The following NOXA1 variants were observed in gnomAD, a reference collection of about 807,000 sequenced individuals.
The protein encoded by NOXA1 is NCF2-like protein.
A neutral mutation model predicts 64.8 loss-of-function variants in NOXA1; 56 were observed. That is an observed-to-expected ratio of 0.86 (90% CI 0.70 to 1.08). The LOEUF is 1.08. NOXA1 is among the 50% of genes least tolerant of loss of function. NOXA1 has a pLI of 0.00. For missense variants in NOXA1, 668 were observed against 658.5 expected (o/e 1.01, Z -0.16); for synonymous variants, 295 against 294.8 (o/e 1.00, Z -0.01).
Position 137,433,774 on chromosome 9 carries a change from G to A in NOXA1, c.1089G>A (p.Gly363=), listed in dbSNP as rs1839230286. 6.9e-7 allele frequency: 1 copy of A among 1,456,454 alleles called. No individual in the cohort carries two copies. The allele number at this position is 1,456,454 out of a possible 1,614,324, so 90.2% of individuals were successfully genotyped here. Residue 363 remains glycine, a synonymous_variant, in exon 12 of 14, where the codon GGG becomes GGA. Coordinates refer to ENST00000683555, the MANE Select transcript of NOXA1 (RefSeq NM_001256067.2). ...GTTACCTAGCCCCAGGTGAGGACGG[G>A]CACTGGGTCCCCATCCCCGAGGAGG... is the stretch of plus-strand genomic sequence containing the variant. ...QLSYLAPGED[G]HWVPIPEEES...
rs1467303944 is a variant in NOXA1, at chr9:137,431,175, G to A, written c.699-61G>A. Reference sequence around the variant, plus strand: ...AGAGGCCCTCCACATGGGGCCACGCGGGCCGGGCACAGGAGGGCAGTCAGA... The same window carrying A: ...AGAGGCCCTCCACATGGGGCCACGCAGGCCGGGCACAGGAGGGCAGTCAGA... On this transcript the variant is annotated intron_variant, in intron 7 of 13. Transcript: ENST00000683555. This position sits in a 1 kb window ranked among gnomAD's most constrained non-coding sequence, Gnocchi z 5.6. The A allele has an allele frequency of 6.2e-6, 10 of 1,610,596 alleles. No homozygotes were observed. The highest frequency in any genetic ancestry group is 2.7e-5 in the African/African-American group (2 of 74,904).
Position 137,430,936 on chromosome 9 carries a change from G to C in NOXA1, c.672+93G>C, listed in dbSNP as rs915578660. On this transcript the variant is annotated intron_variant, in intron 6 of 13. Coordinates refer to ENST00000683555, the MANE Select transcript of NOXA1 (RefSeq NM_001256067.2). ...AAGCTCTGAGCCCTCCTGGGGCTGCGAAGTTCCTCTGATGGGAGGTGTGGG... is the reference window on the plus strand; with the variant it reads ...AAGCTCTGAGCCCTCCTGGGGCTGCCAAGTTCCTCTGATGGGAGGTGTGGG... 2.6e-6 allele frequency: 4 copies of C among 1,555,230 alleles called. No homozygotes were observed. The Admixed American group carries it at 5.5e-5, about 21-fold the overall frequency.
In NOXA1 at chr9:137,423,682, C is replaced by T. The variant is rs1838679165; in HGVS notation, c.153C>T (p.Ala51=). ...ACGCGGGCTGCGTGCACCTGCTGGCCGGGGACCCCGAGGCCGCGCTGCGGG... is the reference window on the plus strand; with the variant it reads ...ACGCGGGCTGCGTGCACCTGCTGGCTGGGGACCCCGAGGCCGCGCTGCGGG... ...CFNAGCVHLL[A]GDPEAALRAF... Residue 51 remains alanine (A), a synonymous_variant, in exon 1 of 14, where the codon GCC becomes GCT. Transcript: ENST00000683555. 4 of 1,356,204 alleles carry T rather than the reference C, an allele frequency of 2.9e-6. No homozygotes were observed. The highest frequency in any genetic ancestry group is 2.8e-6 in the Non-Finnish European group (3 of 1,053,214). 84.0% of individuals were successfully genotyped at this position (1,356,204 alleles called of 1,614,324 possible). A position where few individuals can be genotyped will look rare whatever the true frequency, so the allele number is the denominator to read the frequency against.
chr9:137,432,173 G>C (rs1360259766), intron 8 of NOXA1, among the ~76,000 whole-genome samples: 1 of 151,936 alleles, frequency 6.6e-6, no homozygotes, highest in Non-Finnish European at 1.5e-5. Context: ...CCAGCACCGT[G>C]GGAGGCTGAG....
rs1839078705 is a variant in NOXA1 at position 137,430,832 on chromosome 9, C to T, written c.661C>T (p.Gln221Ter). Residue 221 changes from glutamine to a stop codon, truncating the protein, a stop_gained, in exon 6 of 14, where the codon CAG becomes TAG. Coordinates refer to ENST00000683555, the MANE Select transcript of NOXA1 (RefSeq NM_001256067.2). LOFTEE classifies it high-confidence loss of function. The part of the protein sequence containing the change: ...PDDQGWGVRP[Q>*]QPQGPGANHD... ...CGACCAGGGCTGGGGCGTCCGCCCT[C>T]AGCAGCCACAGGTGGGTTTGCGGCC... 2 of 1,587,688 alleles carry T rather than the reference C, an allele frequency of 1.3e-6. No homozygotes were observed. Among genetic ancestry groups the T allele is most frequent in the Non-Finnish European group, 1.7e-6 (2 of 1,170,486 alleles).
At chr9:137,426,752 A>G (rs574416334) in intron 2 of NOXA1, among the ~76,000 whole-genome samples, 6 of 152,342 alleles carry the variant, frequency 3.9e-5, no homozygotes, top group Non-Finnish European at 8.8e-5. Flanking sequence ...ATCCCAAAAA[A>G]TATAATTCTA....
chr9:137,427,976 C>G, intron 2 of NOXA1, 57 bp from the exon 3 acceptor site: 1 of 1,259,062 alleles, frequency 7.9e-7, no homozygotes, highest in South Asian at 1.3e-5. Context: ...GTGAAAGCTG[C>G]CTAACCACAG....
Position 137,431,728 on chromosome 9 carries a change from G to A in NOXA1, c.804+387G>A, listed in dbSNP as rs1483259992. 3.3e-5 allele frequency among the ~76,000 whole-genome samples: 5 copies of A among 152,066 alleles called. No individual in the cohort carries two copies. The highest frequency in any genetic ancestry group is 2.1e-4 in the South Asian group (1 of 4,828). The stretch of plus-strand genomic sequence containing the variant: ...GCTCTGGAGGGGCCCCAAGGCTCCC[G>A]CCCCCCATGGGGGCCCAGCAGCGAC... On this transcript the variant is annotated intron_variant, in intron 8 of 13. Coordinates refer to ENST00000683555, the MANE Select transcript of NOXA1 (RefSeq NM_001256067.2). This position sits in a 1 kb window ranked among gnomAD's most constrained non-coding sequence, Gnocchi z 5.6.
chr9:137,424,476 C>T (rs1294343149), intron 1 of NOXA1, among the ~76,000 whole-genome samples: 1 of 152,220 alleles, frequency 6.6e-6, no homozygotes, highest in African/African-American at 2.4e-5. Flanking sequence ...CGTTCTGTCA[C>T]CCAGGCTGAA....
At chr9:137,426,205 C>T (rs780171524) in intron 1 of NOXA1, 43 bp from the exon 2 acceptor site, 1 of 1,544,950 alleles carries the variant, frequency 6.5e-7, no homozygotes, top group African/African-American at 1.4e-5. Context: ...GCTGCGTGAC[C>T]AGGTTACAGA....
chr9:137,430,746 G>A (rs376222330), intron 5 of NOXA1, 38 bp from the exon 6 acceptor site: 822 of 1,568,208 alleles, frequency 5.2e-4, no homozygotes, highest in Non-Finnish European at 6.4e-4. Flanking sequence ...CTGCTGGGCC[G>A]CTGATCCCTG....
Position 137,423,610 on chromosome 9 carries a change from G to A in NOXA1, c.81G>A (p.Leu27=). Residue 27 remains leucine (L), a synonymous_variant, in exon 1 of 14, where the codon TTG becomes TTA. Coordinates refer to ENST00000683555, the MANE Select transcript of NOXA1 (RefSeq NM_001256067.2). ...AVDRGDWARA[L]HLFSGVPAPP... ...ATCGTGGGGACTGGGCCCGCGCCTT[G>A]CACCTCTTCTCGGGCGTCCCGGCGC... 6.8e-7 allele frequency: 1 copy of A among 1,473,238 alleles called. No homozygotes were observed. The highest frequency in any genetic ancestry group is 9.0e-7 in the Non-Finnish European group (1 of 1,113,034). The allele number at this position is 1,473,238 out of a possible 1,614,324, so 91.3% of individuals were successfully genotyped here.
At chr9:137,430,708 C>A in intron 5 of NOXA1, 76 bp from the exon 6 acceptor site, 1 of 1,332,466 alleles carries the variant, frequency 7.5e-7, no homozygotes, top group Non-Finnish European at 1.0e-6. Context: ...CTGCGGGGCA[C>A]GGTGGGGCGG....
rs1236969839 is a variant in NOXA1 at position 137,434,214 on chromosome 9, C to T, written c.1295-10C>T. The T allele has an allele frequency of 6.2e-7, 1 of 1,605,992 alleles. No homozygotes were observed. The highest frequency in any genetic ancestry group is 1.7e-5 in the Admixed American group (1 of 59,670). On this transcript the variant is annotated splice_polypyrimidine_tract_variant and intron_variant, in intron 13 of 13. Transcript: ENST00000683555. ...GTAACGCCCTGCAGAGCCCGATGTC[C>T]CCCTTGCAGTGGACCAGGCATGGCT...
rs369411282 is a variant in NOXA1, at chr9:137,426,287, G to A, written c.217G>A (p.Val73Ile). The A allele has an allele frequency of 2.2e-5, 35 of 1,613,738 alleles. No homozygotes were observed. Among genetic ancestry groups the A allele is most frequent in the African/African-American group, 2.7e-5 (2 of 74,940 alleles). ...QAVTKDTCMA[V>I]GFFQRGVANF... ...CGTGACCAAGGACACCTGCATGGCG[G>A]TTGGCTTCTTCCAGCGAGGAGTGGC... The change falls in exon 2 of 14, where the codon GTT (valine) becomes ATT (isoleucine). Residue 73 changes from valine (V) to isoleucine (I), a missense_variant. Transcript: ENST00000683555.
chr9:137,434,145 G>A (rs1839259195), intron 13 of NOXA1, 66 bp downstream of exon 13: 9 of 1,581,126 alleles, frequency 5.7e-6, no homozygotes, highest in South Asian at 2.2e-5. Context: ...CTTAGAGCTC[G>A]GCCTGTGCTG....
chr9:137,424,056 C>T (rs1838715681), intron 1 of NOXA1, among the ~76,000 whole-genome samples: 1 of 152,178 alleles, frequency 6.6e-6, no homozygotes, highest in Non-Finnish European at 1.5e-5. Context: ...AGCCCTCAGC[C>T]CTCCCCCAGC....
In NOXA1 at chr9:137,428,133, G is replaced by T. The variant is rs1224136462; in HGVS notation, c.361G>T (p.Ala121Ser). 2 of 1,567,952 alleles carry T rather than the reference G, an allele frequency of 1.3e-6. No homozygotes were observed. Among genetic ancestry groups the T allele is most frequent in the Non-Finnish European group, 1.7e-6 (2 of 1,157,236 alleles). The change falls in exon 3 of 14, where the codon GCC becomes TCC. Residue 121 changes from alanine to serine, a missense_variant. Ala to Ser is a moderately conservative substitution (Grantham distance 99). Transcript: ENST00000683555. ...GCTGGGCCTGCGGTTCAAGCTGCAA[G>T]CCTGGGAGGTGAGGCCGGGCAGGGC... ...TQLGLRFKLQAWEVLHNVASA... is the reference protein window; with the variant it reads ...TQLGLRFKLQSWEVLHNVASA...
At chr9:137,425,871 C>CA (rs577104589) in intron 1 of NOXA1, among the ~76,000 whole-genome samples, 184 of 108,124 alleles carry the variant, frequency 1.7e-3, no homozygotes, top group Middle Eastern at 5.4e-3. Flanking sequence ...GACCCCGTCT[C>CA]AAAAAAAAAA....
Sources: gnomAD v4.1 joint callset for allele counts (sites outside exome capture counted in the v4.1 genomes callset) on GRCh38, gnomAD v4.1.1 for gene constraint, Gnocchi (gnomAD v3.1) non-coding constraint, MANE v1.5 for transcripts, NCBI Gene and HGNC (gene_info 2026-07-23, HGNC 2026-07-21) for gene names.